GLI2: variants seen among roughly 807,000 people sequenced by gnomAD.
GLI2 encodes GLI family zinc finger 2.
GLI2 carries 22 observed loss-of-function variants against 78.9 expected under a neutral mutation model. The ratio of observed to expected loss-of-function variants is 0.28; its 90% CI spans 0.20 to 0.40. GLI2 has a LOEUF of 0.40. Among genes scored for constraint, GLI2 ranks in the 10% least tolerant of loss-of-function variants. GLI2 has a pLI of 1.00. For synonymous variants in GLI2, 974 were observed against 963.7 expected (o/e 1.01, Z -0.20); for missense variants, 2,097 against 2,213.2 (o/e 0.95, Z 1.05).
intron 2 of GLI2, among the ~76,000 whole-genome samples, chr2:120,907,547 G>A (rs1280320639): frequency 1.3e-5 from 2 of 152,278 alleles, no homozygotes; most frequent in Admixed American, 6.5e-5. Flanking sequence ...TTATTCAGCC[G>A]GGCTGTGTAA....
At chr2:120,834,140 G>T (rs1686495706) in intron 2 of GLI2, among the ~76,000 whole-genome samples, 1 of 152,206 alleles carries the variant, frequency 6.6e-6, no homozygotes, top group Admixed American at 6.5e-5. Context: ...CATGATTCAG[G>T]TATGGTGAGG....
chr2:120,923,846 TCA>T (rs887024806), intron 2 of GLI2, among the ~76,000 whole-genome samples: 1 of 151,598 alleles, frequency 6.6e-6, no homozygotes, highest in Non-Finnish European at 1.5e-5. Context: ...CAAACACACC[TCA>T]CACACACGTA....
chr2:120,986,187 C>T (rs1194890717), intron 12 of GLI2, 91 bp from the exon 13 acceptor site: 11 of 1,160,810 alleles, frequency 9.5e-6, no homozygotes, highest in African/African-American at 3.0e-5. Context: ...TCAGGGTGGG[C>T]GAGGGTGTGG....
intron 1 of GLI2, among the ~76,000 whole-genome samples, chr2:120,741,736 A>G (rs952147796): frequency 6.6e-6 from 1 of 151,936 alleles, no homozygotes; most frequent in Non-Finnish European, 1.5e-5. Flanking sequence ...GCCGGGGGAC[A>G]TTCCGTGCCC....
intron 2 of GLI2, among the ~76,000 whole-genome samples, chr2:120,826,924 C>T (rs1686092684): frequency 6.6e-6 from 1 of 152,200 alleles, no homozygotes; most frequent in Non-Finnish European, 1.5e-5. Flanking sequence ...CCCAGCCTGC[C>T]ACATCTCCCC....
chr2:120,893,252 G>A (rs1180703152), intron 2 of GLI2, among the ~76,000 whole-genome samples: 1 of 152,188 alleles, frequency 6.6e-6, no homozygotes, highest in Non-Finnish European at 1.5e-5. Flanking sequence ...GAGGGAGAAG[G>A]GTGGGCTCAA....
chr2:120,780,170 C>T (rs1024979483), intron 1 of GLI2, among the ~76,000 whole-genome samples: 1 of 152,038 alleles, frequency 6.6e-6, no homozygotes, highest in Non-Finnish European at 1.5e-5. Flanking sequence ...AGAGGGAAGC[C>T]TGGAGTGAGC....
intron 3 of GLI2, among the ~76,000 whole-genome samples, chr2:120,942,702 C>T (rs560510058): frequency 4.6e-5 from 7 of 152,346 alleles, no homozygotes; most frequent in East Asian, 1.9e-4. Context: ...ACGGCACATA[C>T]GTGCTCCCAG....
At chr2:120,942,105 C>T (rs1001698280) in intron 3 of GLI2, among the ~76,000 whole-genome samples, 1 of 152,182 alleles carries the variant, frequency 6.6e-6, no homozygotes, top group Non-Finnish European at 1.5e-5. Flanking sequence ...GCACTAGTGA[C>T]GGTGATGTCT....
At chr2:120,894,107 T>G (rs1677821788) in intron 2 of GLI2, among the ~76,000 whole-genome samples, 1 of 152,206 alleles carries the variant, frequency 6.6e-6, no homozygotes, top group Admixed American at 6.5e-5. Flanking sequence ...TGGGGCTTTG[T>G]GGCAGCTCCA....
intron 2 of GLI2, among the ~76,000 whole-genome samples, chr2:120,828,691 T>C (rs910986137): frequency 1.3e-5 from 2 of 152,044 alleles, no homozygotes. Flanking sequence ...CCAAATCCGC[T>C]CAGTAAGCAC....
At chr2:120,936,144 A>G (rs1247511060) in intron 3 of GLI2, among the ~76,000 whole-genome samples, 2 of 152,064 alleles carry the variant, frequency 1.3e-5, no homozygotes, top group Admixed American at 1.3e-4. Context: ...CGGGGCTCAC[A>G]TCTTGCCTAT....
chr2:120,949,251 C>T (rs1465518765), intron 3 of GLI2, among the ~76,000 whole-genome samples: 1 of 152,244 alleles, frequency 6.6e-6, no homozygotes, highest in Admixed American at 6.5e-5. Flanking sequence ...AGTTCCCATG[C>T]AGAGGCACCC....
intron 13 of GLI2, among the ~76,000 whole-genome samples, chr2:120,987,625 G>A (rs1237083922): frequency 6.6e-6 from 1 of 152,154 alleles, no homozygotes; most frequent in African/African-American, 2.4e-5. Flanking sequence ...GTAATAACCT[G>A]CTCCTTAAAC....
intron 2 of GLI2, among the ~76,000 whole-genome samples, chr2:120,840,172 C>T (rs906092572): frequency 2.6e-5 from 4 of 152,206 alleles, no homozygotes; most frequent in African/African-American, 7.2e-5. Flanking sequence ...TTAGGATCCA[C>T]GTCTTTGTAC....
chr2:120,885,620 G>A (rs1042440202), intron 2 of GLI2, among the ~76,000 whole-genome samples: 1 of 152,210 alleles, frequency 6.6e-6, no homozygotes, highest in South Asian at 2.1e-4. Context: ...GTGCCCACTC[G>A]GACACACAGG....
intron 3 of GLI2, among the ~76,000 whole-genome samples, chr2:120,936,262 A>G (rs1219615166): frequency 6.6e-6 from 1 of 152,092 alleles, no homozygotes; most frequent in East Asian, 1.9e-4. Context: ...TGTTGTGAGG[A>G]CTAGATGGGT....
chr2:120,983,257 G>A (rs1272321992), intron 11 of GLI2, among the ~76,000 whole-genome samples: 1 of 152,130 alleles, frequency 6.6e-6, no homozygotes, highest in East Asian at 1.9e-4. Flanking sequence ...ACATGCATCT[G>A]CTCCCTATTA....
At chr2:120,931,776 G>A (rs935301432) in intron 3 of GLI2, among the ~76,000 whole-genome samples, 2 of 152,202 alleles carry the variant, frequency 1.3e-5, no homozygotes, top group African/African-American at 4.8e-5. Context: ...CTGCAAGGTA[G>A]TTACTTCCGT....
Sources: gnomAD v4.1 joint callset for allele counts (sites outside exome capture counted in the v4.1 genomes callset) on GRCh38, gnomAD v4.1.1 for gene constraint, MANE v1.5 for transcripts, NCBI Gene and HGNC (gene_info 2026-07-23, HGNC 2026-07-21) for gene names.